The following GASK1B variants were observed in gnomAD, a reference collection of about 807,000 sequenced individuals.
The protein encoded by GASK1B is Golgi-associated kinase 1B.
A neutral mutation model predicts 42.8 loss-of-function variants in GASK1B; 34 were observed. The observed-to-expected ratio is 0.79, with a 90% CI of 0.60 to 1.06. The LOEUF (loss-of-function observed/expected upper bound fraction) is 1.06, where lower values mean the gene tolerates loss of function less well. Ranked by LOEUF, GASK1B falls within the 50% of genes least tolerant of loss-of-function variation. GASK1B has a pLI of 0.00. For synonymous variants in GASK1B, 262 were observed against 259.1 expected, an observed-to-expected ratio of 1.01 and a Z score of -0.11; for missense variants, 686 against 661.0, an observed-to-expected ratio of 1.04 and a Z score of -0.42.
At chr4:158,131,133 G>T in intron 3 of GASK1B, 121 bp from the exon 4 acceptor site, 1 of 771,526 alleles carries the variant, frequency 1.3e-6, no homozygotes, top group Non-Finnish European at 2.1e-6. Context: ...AGAGGGCCAG[G>T]CTCATTTAAT....
Position 158,171,266 on chromosome 4 carries a change from T to A in GASK1B, c.110A>T (p.Asn37Ile). ...GGCACACGCAGTGCCCAGCAGAAGG[T>A]TTCTCCGGGTCCTTGGACGCCGGCT... ...WSSRRPRTRR[N>I]LLLGTACAIY... is the part of the protein sequence containing the mutation. Residue 37 changes from asparagine (N) to isoleucine (I), a missense_variant, in exon 2 of 5, where the codon AAC becomes ATC. Asn to Ile is a moderately radical substitution (Grantham distance 149, BLOSUM62 -3). Transcript: ENST00000585682. 1 of 1,613,932 alleles carries A rather than the reference T, an allele frequency of 6.2e-7. No homozygotes were observed. Among genetic ancestry groups the A allele is most frequent in the South Asian group, 1.1e-5 (1 of 91,072 alleles).
intron 2 of GASK1B, chr4:158,170,035 G>A (rs1434802405): frequency 6.8e-6 from 4 of 592,448 alleles, no homozygotes; most frequent in African/African-American, 5.6e-5. Flanking sequence ...GCTCAAGAAC[G>A]ATAACCCGCT....
Position 158,126,280 on chromosome 4 carries a change from TAGA to T in GASK1B, c.*1124_*1126del, listed in dbSNP as rs1379890784. 6.6e-6 allele frequency: 1 copy of T among 152,128 alleles called. No individual in the cohort carries two copies. Among genetic ancestry groups the T allele is most frequent in the Non-Finnish European group, 1.5e-5 (1 of 67,984 alleles). The allele number at this position is 152,128 out of a possible 1,614,324, so 9.4% of individuals were successfully genotyped here. On this transcript the variant is annotated 3_prime_UTR_variant, in exon 5 of 5. Transcript: ENST00000585682. ...TCTTCCAATCTGATTTAAAAAGTGT[TAGA>T]AGGAGTTTGGAGATGATTATTTGAG...
At chr4:158,139,388 T>C (rs1407554599) in intron 3 of GASK1B, among the ~76,000 whole-genome samples, 1 of 152,216 alleles carries the variant, frequency 6.6e-6, no homozygotes, top group Admixed American at 6.5e-5. Context: ...GATAGCTATC[T>C]ACTAAAAGGT....
At chr4:158,149,819 T>G (rs1227933060) in intron 3 of GASK1B, among the ~76,000 whole-genome samples, 1 of 152,052 alleles carries the variant, frequency 6.6e-6, no homozygotes, top group Non-Finnish European at 1.5e-5. Flanking sequence ...GATTTGATGA[T>G]ACCTCTGTTT....
At chr4:158,168,444 T>G (rs1732314393) in intron 2 of GASK1B, 1 of 152,218 alleles carries the variant, frequency 6.6e-6, no homozygotes, top group African/African-American at 2.4e-5. Context: ...ATGTGAGGAA[T>G]TCAATGAACT....
intron 3 of GASK1B, among the ~76,000 whole-genome samples, chr4:158,149,395 A>G (rs889492599): frequency 5.9e-5 from 9 of 152,222 alleles, no homozygotes; most frequent in African/African-American, 2.2e-4. Flanking sequence ...GCTTCCCTCA[A>G]TAGAAAAGAA....
chr4:158,144,510 AT>A (rs1393662421), intron 3 of GASK1B, among the ~76,000 whole-genome samples: 1 of 152,184 alleles, frequency 6.6e-6, no homozygotes. Context: ...GGAATTTGTC[AT>A]TTTTAATCCC....
chr4:158,133,000 G>A (rs2110932308), intron 3 of GASK1B, among the ~76,000 whole-genome samples: 1 of 152,252 alleles, frequency 6.6e-6, no homozygotes, highest in South Asian at 2.1e-4. Flanking sequence ...AATGAAAAAA[G>A]CACAAATTAG....
chr4:158,169,453 T>C (rs1732368112), intron 2 of GASK1B: 1 of 152,228 alleles, frequency 6.6e-6, no homozygotes, highest in Non-Finnish European at 1.5e-5. Context: ...GGAAATGCAG[T>C]TGGGTCTCAG....
At chr4:158,136,206 G>A (rs780806872) in intron 3 of GASK1B, among the ~76,000 whole-genome samples, 2 of 152,036 alleles carry the variant, frequency 1.3e-5, no homozygotes, top group Non-Finnish European at 2.9e-5. Flanking sequence ...ATTAGGGCAG[G>A]TAGTCAGATA....
chr4:158,132,230 G>C (rs1205553546), intron 3 of GASK1B, among the ~76,000 whole-genome samples: 1 of 152,130 alleles, frequency 6.6e-6, no homozygotes, highest in Non-Finnish European at 1.5e-5. Context: ...CTAGTCAAAA[G>C]ATGGCTAGAC....
At chr4:158,152,357 A>T (rs753781106) in intron 3 of GASK1B, among the ~76,000 whole-genome samples, 40 of 152,168 alleles carry the variant, frequency 2.6e-4, no homozygotes, top group Non-Finnish European at 5.3e-4. Context: ...TAATTAAAAA[A>T]TTGCTAACAA....
At chr4:158,170,075 C>T (rs550467956) in intron 2 of GASK1B, 2 of 676,120 alleles carry the variant, frequency 3.0e-6, no homozygotes, top group East Asian at 2.7e-5. Flanking sequence ...CTTCTACTTC[C>T]TCCCATAGTA....
intron 2 of GASK1B, among the ~76,000 whole-genome samples, chr4:158,161,981 C>A (rs1732035884): frequency 6.6e-6 from 1 of 152,152 alleles, no homozygotes; most frequent in African/African-American, 2.4e-5. Flanking sequence ...CAGCTTAACT[C>A]ACATCGTGCC....
intron 2 of GASK1B, among the ~76,000 whole-genome samples, chr4:158,160,768 T>C (rs1731944296): frequency 6.6e-6 from 1 of 152,258 alleles, no homozygotes; most frequent in East Asian, 1.9e-4. Context: ...GGAGTACTAT[T>C]ATTCACCCTT....
intron 4 of GASK1B, among the ~76,000 whole-genome samples, chr4:158,128,144 A>G (rs1730532671): frequency 1.3e-5 from 2 of 152,220 alleles, no homozygotes; most frequent in African/African-American, 4.8e-5. Context: ...GATTCATTCA[A>G]AAACATCAAA....
At chr4:158,130,277 C>G (rs574082793) in intron 4 of GASK1B, among the ~76,000 whole-genome samples, 3 of 152,330 alleles carry the variant, frequency 2.0e-5, no homozygotes, top group Admixed American at 2.0e-4. Context: ...CTACAGCCAG[C>G]TTTCCTCTGA....
intron 2 of GASK1B, among the ~76,000 whole-genome samples, chr4:158,160,529 G>C (rs1731932716): frequency 6.6e-6 from 1 of 152,080 alleles, no homozygotes; most frequent in African/African-American, 2.4e-5. Context: ...AGCCATGATG[G>C]GAAACAGTAT....
Sources: gnomAD v4.1 joint callset for allele counts (sites outside exome capture counted in the v4.1 genomes callset) on GRCh38, gnomAD v4.1.1 for gene constraint, MANE v1.5 for transcripts, NCBI Gene and HGNC (gene_info 2026-07-23, HGNC 2026-07-21) for gene names.